The following CHRM3 variants were observed in gnomAD, a reference collection of about 807,000 sequenced individuals.
The protein encoded by CHRM3 is cholinergic receptor muscarinic 3.
Under a neutral mutation model 41.8 loss-of-function variants are expected in CHRM3, and 11 were observed. The ratio of observed to expected loss-of-function variants is 0.26; its 90% CI spans 0.17 to 0.44. The LOEUF (loss-of-function observed/expected upper bound fraction) is 0.44. Ranked by LOEUF, CHRM3 falls within the 20% of genes least tolerant of loss-of-function variation. The pLI is 1.00. For missense variants in CHRM3, 571 were observed against 745.4 expected, an observed-to-expected ratio of 0.77 and a Z score of 2.72; for synonymous variants, 297 against 301.4, an observed-to-expected ratio of 0.99 and a Z score of 0.15.
At chr1:239,391,227 C>T (rs1277431388) in intron 1 of CHRM3, among the ~76,000 whole-genome samples, 4 of 152,138 alleles carry the variant, frequency 2.6e-5, no homozygotes, top group Non-Finnish European at 5.9e-5. Flanking sequence ...AACTGTGTGA[C>T]CTCAAACATT....
chr1:239,600,278 C>T (rs1181268825), intron 3 of CHRM3, among the ~76,000 whole-genome samples: 1 of 152,020 alleles, frequency 6.6e-6, no homozygotes, highest in African/African-American at 2.4e-5. Context: ...GGGGGCCATC[C>T]CAATGCATTC....
intron 5 of CHRM3, among the ~76,000 whole-genome samples, chr1:239,807,891 A>G (rs1670789185): frequency 6.6e-6 from 1 of 152,094 alleles, no homozygotes; most frequent in African/African-American, 2.4e-5. Flanking sequence ...GGGATATTCC[A>G]GAGTGATAAA....
At chr1:239,416,434 G>A (rs962648726) in intron 1 of CHRM3, among the ~76,000 whole-genome samples, 10 of 151,558 alleles carry the variant, frequency 6.6e-5, no homozygotes, top group African/African-American at 9.7e-5. Context: ...TGAGTATTAC[G>A]GTTTGGAAGA....
intron 3 of CHRM3, among the ~76,000 whole-genome samples, chr1:239,574,763 T>A (rs1001075600): frequency 1.2e-4 from 18 of 152,106 alleles, no homozygotes; most frequent in Admixed American, 5.9e-4. Context: ...CTCCTCCTCC[T>A]CTTTCTCCTT....
chr1:239,542,655 A>T (rs1658896227), intron 2 of CHRM3, among the ~76,000 whole-genome samples: 1 of 152,198 alleles, frequency 6.6e-6, no homozygotes, highest in African/African-American at 2.4e-5. Context: ...GCAAGAATAT[A>T]TCAGAGTTGG....
chr1:239,646,508 T>A (rs1223654095), intron 4 of CHRM3, among the ~76,000 whole-genome samples: 2 of 152,186 alleles, frequency 1.3e-5, no homozygotes, highest in African/African-American at 4.8e-5. Context: ...AGTGACATGT[T>A]AATTGACATG....
At chr1:239,795,922 G>A (rs1290834519) in intron 5 of CHRM3, among the ~76,000 whole-genome samples, 1 of 152,178 alleles carries the variant, frequency 6.6e-6, no homozygotes, top group Non-Finnish European at 1.5e-5. Flanking sequence ...TTTCCACAAG[G>A]ATAAGGGTGT....
intron 2 of CHRM3, among the ~76,000 whole-genome samples, chr1:239,512,133 C>T (rs1668962929): frequency 2.6e-5 from 4 of 152,102 alleles, no homozygotes; most frequent in African/African-American, 7.2e-5. Flanking sequence ...AAGAGAGAAA[C>T]AGGAACCCAG....
chr1:239,838,143 G>A (rs1332126814), intron 6 of CHRM3, among the ~76,000 whole-genome samples: 1 of 152,148 alleles, frequency 6.6e-6, no homozygotes, highest in African/African-American at 2.4e-5. Flanking sequence ...GATAAATAGT[G>A]CCAGAAGAAA....
intron 2 of CHRM3, among the ~76,000 whole-genome samples, chr1:239,514,396 A>G (rs189526867): frequency 1.1e-4 from 17 of 151,430 alleles, no homozygotes; most frequent in Non-Finnish European, 2.1e-4. Flanking sequence ...GCTAATATAA[A>G]TGGTATTGTG....
intron 5 of CHRM3, among the ~76,000 whole-genome samples, chr1:239,763,447 G>C (rs1666960101): frequency 6.6e-6 from 1 of 152,152 alleles, no homozygotes; most frequent in Non-Finnish European, 1.5e-5. Context: ...ATAAAATTGA[G>C]TAGTCCCAGA....
chr1:239,512,195 C>T (rs1422684328), intron 2 of CHRM3, among the ~76,000 whole-genome samples: 1 of 152,158 alleles, frequency 6.6e-6, no homozygotes, highest in Non-Finnish European at 1.5e-5. Flanking sequence ...ACAGTTCACT[C>T]TTGGATAGCC....
chr1:239,484,159 G>A (rs1348216925), intron 1 of CHRM3, among the ~76,000 whole-genome samples: 1 of 152,110 alleles, frequency 6.6e-6, no homozygotes, highest in Non-Finnish European at 1.5e-5. Flanking sequence ...AGGTTTAATC[G>A]TTCACGGTTC....
intron 5 of CHRM3, among the ~76,000 whole-genome samples, chr1:239,789,314 G>A (rs113907979): frequency 0.011 from 1,634 of 152,238 alleles, 31 homozygotes; most frequent in African/African-American, 0.037. Flanking sequence ...TTAATTTGGC[G>A]AAGATTAAGC....
chr1:239,422,782 T>A (rs1178160601), intron 1 of CHRM3, among the ~76,000 whole-genome samples: 1 of 149,276 alleles, frequency 6.7e-6, no homozygotes, highest in African/African-American at 2.5e-5. Flanking sequence ...GTGACAAGAG[T>A]GAGACTCTAT....
At chr1:239,769,636 C>G (rs1421906545) in intron 5 of CHRM3, among the ~76,000 whole-genome samples, 1 of 152,190 alleles carries the variant, frequency 6.6e-6, no homozygotes, top group Non-Finnish European at 1.5e-5. Flanking sequence ...AAGCCCAACA[C>G]TTTGGGAGGC....
chr1:239,882,704 A>C (rs1677745048), intron 6 of CHRM3, among the ~76,000 whole-genome samples: 1 of 152,238 alleles, frequency 6.6e-6, no homozygotes, highest in Non-Finnish European at 1.5e-5. Context: ...ATCTATACTA[A>C]ATTATTATAA....
At chr1:239,759,058 T>C (rs1666473243) in intron 5 of CHRM3, among the ~76,000 whole-genome samples, 1 of 152,016 alleles carries the variant, frequency 6.6e-6, no homozygotes, top group African/African-American at 2.4e-5. Flanking sequence ...GTGTTGGAAG[T>C]CAAGCATTCA....
At chr1:239,817,568 C>T (rs944219004) in intron 5 of CHRM3, among the ~76,000 whole-genome samples, 2 of 151,894 alleles carry the variant, frequency 1.3e-5, no homozygotes, top group Non-Finnish European at 2.9e-5. Flanking sequence ...GAGGCACTGT[C>T]TTTGGCTTCC....
Sources: allele counts gnomAD v4.1 joint callset (sites outside exome capture counted in the v4.1 genomes callset), GRCh38; gene constraint gnomAD v4.1.1; transcripts MANE v1.5; gene names NCBI Gene and HGNC (gene_info 2026-07-23, HGNC 2026-07-21).